The following RAB6B variants were observed in gnomAD, a reference collection of about 807,000 sequenced individuals.
The protein encoded by RAB6B is RAB6B, member RAS oncogene family, also known as ras-related protein Rab-6B.
A neutral mutation model predicts 31.2 loss-of-function variants in RAB6B; 7 were observed. The observed-to-expected ratio is 0.22, with a 90% CI of 0.13 to 0.42. The LOEUF (loss-of-function observed/expected upper bound fraction) is 0.42, where lower values mean the gene tolerates loss of function less well. RAB6B is among the 10% of genes least tolerant of loss of function. RAB6B has a pLI of 1.00. For synonymous variants in RAB6B, 105 were observed against 104.9 expected, an observed-to-expected ratio of 1.00 and a Z score of -0.01; for missense variants, 149 against 280.6, an observed-to-expected ratio of 0.53 and a Z score of 3.35.
chr3:133,867,082 C>T (rs932183061), intron 1 of RAB6B, among the ~76,000 whole-genome samples: 3 of 152,238 alleles, frequency 2.0e-5, no homozygotes, highest in Admixed American at 6.5e-5. Flanking sequence ...ATCCCTGCAA[C>T]ACCTTCTAAT....
At chr3:133,856,059 C>T (rs1264548045) in intron 2 of RAB6B, among the ~76,000 whole-genome samples, 6 of 151,996 alleles carry the variant, frequency 3.9e-5, no homozygotes, top group Non-Finnish European at 4.4e-5. Context: ...CCACAGGCCA[C>T]GACGGCAGAA....
chr3:133,890,326 T>TG (rs1353509476), intron 1 of RAB6B, among the ~76,000 whole-genome samples: 1 of 152,150 alleles, frequency 6.6e-6, no homozygotes, highest in African/African-American at 2.4e-5. Flanking sequence ...ATGATCCAGC[T>TG]GGGCACCATG....
chr3:133,878,103 TGAAG>T (rs1936420599), intron 1 of RAB6B, among the ~76,000 whole-genome samples: 2 of 152,130 alleles, frequency 1.3e-5, no homozygotes, highest in South Asian at 4.2e-4. Flanking sequence ...CTTCAAAGGA[TGAAG>T]GGAGAGGCAG....
intron 2 of RAB6B, among the ~76,000 whole-genome samples, chr3:133,857,830 C>T (rs868618002): frequency 6.6e-6 from 1 of 152,106 alleles, no homozygotes; most frequent in Non-Finnish European, 1.5e-5. Context: ...AGGCCTCTTC[C>T]TCTTCTCTAT....
chr3:133,873,324 T>TG (rs567593322), intron 1 of RAB6B, among the ~76,000 whole-genome samples: 124 of 152,344 alleles, frequency 8.1e-4, no homozygotes, highest in African/African-American at 2.9e-3. Context: ...GACGGTCTGC[T>TG]GGGGCTCCAC....
intron 4 of RAB6B, 32 bp downstream of exon 4, chr3:133,841,253 C>A: frequency 6.2e-7 from 1 of 1,609,820 alleles, no homozygotes; most frequent in East Asian, 2.2e-5. Context: ...CCCCTATGAG[C>A]CACCCTCCCT....
chr3:133,895,055 G>C (rs1031942871), intron 1 of RAB6B, among the ~76,000 whole-genome samples: 4 of 152,162 alleles, frequency 2.6e-5, no homozygotes, highest in Non-Finnish European at 4.4e-5. Context: ...CGGTGCCGCA[G>C]TGTGAGCTAG....
At chr3:133,860,193 A>C (rs921932012) in intron 2 of RAB6B, among the ~76,000 whole-genome samples, 10 of 152,238 alleles carry the variant, frequency 6.6e-5, no homozygotes, top group Non-Finnish European at 1.3e-4. Flanking sequence ...GGAACTTCAG[A>C]ATATGAGCTT....
In RAB6B at chr3:133,895,520, G is replaced by T; in HGVS notation, c.-54C>A. On this transcript the variant is annotated 5_prime_UTR_variant, in exon 1 of 8. Transcript: ENST00000285208. ...GGAGGAGGAAAAAGCGAAGGAGCAGGGAGGGGAGAGTAGGAGGGCGAGGGG... is the reference window on the plus strand; with the variant it reads ...GGAGGAGGAAAAAGCGAAGGAGCAGTGAGGGGAGAGTAGGAGGGCGAGGGG... 1 of 1,584,048 alleles carries T rather than the reference G, an allele frequency of 6.3e-7. No homozygotes were observed.
chr3:133,869,563 A>G (rs1936287290), intron 1 of RAB6B, among the ~76,000 whole-genome samples: 1 of 152,224 alleles, frequency 6.6e-6, no homozygotes, highest in South Asian at 2.1e-4. Context: ...GGCTCATAAA[A>G]TATTTCCCAT....
chr3:133,837,294 C>T (rs1374629011), intron 6 of RAB6B, among the ~76,000 whole-genome samples: 2 of 152,156 alleles, frequency 1.3e-5, no homozygotes, highest in Non-Finnish European at 2.9e-5. Flanking sequence ...CTACTGAGTA[C>T]TGAAATAAAA....
intron 4 of RAB6B, among the ~76,000 whole-genome samples, chr3:133,839,987 TACAC>T (rs58229770): frequency 8.9e-4 from 134 of 150,016 alleles, no homozygotes; most frequent in African/African-American, 2.9e-3. Flanking sequence ...TGTGTGTGCA[TACAC>T]ACACACACAC....
At chr3:133,847,923 C>T (rs1010767146) in intron 2 of RAB6B, among the ~76,000 whole-genome samples, 1 of 152,114 alleles carries the variant, frequency 6.6e-6, no homozygotes, top group African/African-American at 2.4e-5. Context: ...CCTTTCTTTC[C>T]CTAAAATGTT....
At chr3:133,872,827 A>G (rs1936344423) in intron 1 of RAB6B, among the ~76,000 whole-genome samples, 1 of 152,234 alleles carries the variant, frequency 6.6e-6, no homozygotes, top group Admixed American at 6.5e-5. Flanking sequence ...TAAGTGTGTT[A>G]ATTCCCTCTG....
At position 133,837,037 on chromosome 3, in the gene RAB6B, G is replaced by A. The variant is rs1041112321; in HGVS notation, c.495+1129C>T. 3.9e-5 allele frequency among the ~76,000 whole-genome samples: 6 copies of A among 152,196 alleles called. No individual in the cohort carries two copies. In the East Asian group the frequency reaches 9.7e-4, roughly 25 times the overall value. On this transcript the variant is annotated intron_variant, in intron 6 of 7. Coordinates refer to ENST00000285208, the MANE Select transcript of RAB6B (RefSeq NM_016577.4). ...AATGCTGGGGTGGCAGGGCAGAAGCGACCGCCAGGCCAACCACACTCCTCA... is the reference window on the plus strand; with the variant it reads ...AATGCTGGGGTGGCAGGGCAGAAGCAACCGCCAGGCCAACCACACTCCTCA...
chr3:133,870,163 A>C (rs964210866), intron 1 of RAB6B, among the ~76,000 whole-genome samples: 21 of 152,322 alleles, frequency 1.4e-4, no homozygotes, highest in African/African-American at 5.1e-4. Flanking sequence ...GGAAACTTAC[A>C]ATCATGGCAG....
chr3:133,881,087 G>A (rs1462655030), intron 1 of RAB6B, among the ~76,000 whole-genome samples: 4 of 152,204 alleles, frequency 2.6e-5, no homozygotes, highest in Admixed American at 2.6e-4. Flanking sequence ...AGGCTGGGGG[G>A]TGGATCAAGG....
chr3:133,863,567 T>A (rs1484111177), intron 2 of RAB6B, among the ~76,000 whole-genome samples: 4 of 152,224 alleles, frequency 2.6e-5, no homozygotes, highest in Non-Finnish European at 5.9e-5. Context: ...TATCCCTCTT[T>A]CAGTAAATCA....
Position 133,850,725 on chromosome 3 carries a change from CA to C in RAB6B, c.130-9063del, listed in dbSNP as rs775964705. ...GAAGTAGAGGAGATGGAGAATTGGA[CA>C]AAAAAACTAAAGAAATAATGGTGAA... On this transcript the variant is annotated intron_variant, in intron 2 of 7. Coordinates refer to ENST00000285208, the MANE Select transcript of RAB6B (RefSeq NM_016577.4). Among the ~76,000 whole-genome samples, 10 of 151,744 alleles carry C rather than the reference CA, an allele frequency of 6.6e-5. No homozygotes were observed. The East Asian group carries it at 1.4e-3, about 21-fold the overall frequency.
Sources: gnomAD v4.1 joint callset for allele counts (sites outside exome capture counted in the v4.1 genomes callset) on GRCh38, gnomAD v4.1.1 for gene constraint, MANE v1.5 for transcripts, NCBI Gene and HGNC (gene_info 2026-07-23, HGNC 2026-07-21) for gene names.